HDAC9: variants seen among roughly 807,000 people sequenced by gnomAD.
HDAC9 encodes histone deacetylase 9.
HDAC9 carries 41 observed loss-of-function variants against 139.4 expected under a neutral mutation model. The observed-to-expected ratio is 0.29, with a 90% CI of 0.23 to 0.38. The LOEUF (loss-of-function observed/expected upper bound fraction) is 0.38. Ranked by LOEUF, HDAC9 falls within the 10% of genes least tolerant of loss-of-function variation. HDAC9 has a pLI of 1.00. For synonymous variants in HDAC9, 517 were observed against 476.2 expected (o/e 1.09, Z -1.12); for missense variants, 1,147 against 1,297.0 (o/e 0.88, Z 1.78).
rs1193161179 is a variant in HDAC9, at chr7:18,938,773, A to ATGC, written c.2937+2831_2937+2832insTGC. Among the ~76,000 whole-genome samples the ATGC allele has an allele frequency of 2.6e-5, 4 of 152,220 alleles. No homozygotes were observed. In the East Asian group the frequency reaches 7.7e-4, roughly 29 times the overall value. On this transcript the variant is annotated intron_variant, in intron 23 of 25. Coordinates refer to ENST00000686413, the MANE Select transcript of HDAC9 (RefSeq NM_178425.4). ...AACTGGTCAGAGTTTGAACATTAAT[A>ATGC]ATCTACTGCATATTGCAAAAGATAG...
At chr7:18,117,306 G>GA (rs1000955142) in intron 1 of HDAC9, among the ~76,000 whole-genome samples, 1 of 151,922 alleles carries the variant, frequency 6.6e-6, no homozygotes, top group African/African-American at 2.4e-5. Context: ...CTAACACGGT[G>GA]AAACCCCATC....
chr7:18,380,925 C>T (rs903258751), intron 1 of HDAC9, among the ~76,000 whole-genome samples: 9 of 152,008 alleles, frequency 5.9e-5, no homozygotes, highest in Admixed American at 2.6e-4. Flanking sequence ...TGCTGTGGCT[C>T]ATGCCTGTAA....
chr7:18,952,579 G>C (rs1404937752), intron 23 of HDAC9, among the ~76,000 whole-genome samples: 2 of 151,920 alleles, frequency 1.3e-5, no homozygotes, highest in Non-Finnish European at 2.9e-5. Flanking sequence ...TAAGCTCCAA[G>C]AAAGGAGTGA....
At chr7:18,624,631 C>G (rs376289058) in intron 6 of HDAC9, among the ~76,000 whole-genome samples, 32 of 152,054 alleles carry the variant, frequency 2.1e-4, no homozygotes, top group African/African-American at 7.0e-4. Context: ...GGATTTGCAT[C>G]CCATTAGTAA....
intron 1 of HDAC9, among the ~76,000 whole-genome samples, chr7:18,309,954 A>C (rs1278467164): frequency 1.3e-5 from 2 of 152,208 alleles, no homozygotes; most frequent in Non-Finnish European, 2.9e-5. Flanking sequence ...GTGGTAGGGC[A>C]GTGGTCCTCA....
intron 25 of HDAC9, among the ~76,000 whole-genome samples, chr7:18,985,416 T>A (rs1785265153): frequency 1.3e-5 from 2 of 152,252 alleles, no homozygotes; most frequent in African/African-American, 4.8e-5. Flanking sequence ...TTTTTATGGC[T>A]GCATGGTATT....
chr7:18,401,314 C>T (rs1342012603), intron 1 of HDAC9, among the ~76,000 whole-genome samples: 1 of 152,172 alleles, frequency 6.6e-6, no homozygotes, highest in African/African-American at 2.4e-5. Context: ...ATCTTTTGGG[C>T]TCACTTTTGC....
intron 2 of HDAC9, among the ~76,000 whole-genome samples, chr7:18,262,361 A>G (rs938507492): frequency 5.9e-5 from 9 of 152,340 alleles, no homozygotes; most frequent in African/African-American, 1.9e-4. Flanking sequence ...AGGAAAGGCT[A>G]TCAAGCAAAA....
intron 2 of HDAC9, among the ~76,000 whole-genome samples, chr7:18,224,869 T>C (rs906539726): frequency 6.6e-6 from 1 of 151,958 alleles, no homozygotes; most frequent in African/African-American, 2.4e-5. Context: ...ATGAAGAACA[T>C]TGAACCTTCC....
chr7:18,664,153 A>C (rs1233719252), intron 11 of HDAC9, among the ~76,000 whole-genome samples: 1 of 152,180 alleles, frequency 6.6e-6, no homozygotes, highest in Admixed American at 6.5e-5. Flanking sequence ...TATTAAAGAA[A>C]AGAAGAGCTG....
chr7:18,603,025 C>A (rs1834414141), intron 6 of HDAC9, among the ~76,000 whole-genome samples: 1 of 152,060 alleles, frequency 6.6e-6, no homozygotes. Flanking sequence ...TCTTGGAGAA[C>A]TGTGACTATT....
chr7:18,109,467 C>G (rs563749468), intron 1 of HDAC9, among the ~76,000 whole-genome samples: 3 of 152,168 alleles, frequency 2.0e-5, no homozygotes, highest in African/African-American at 7.2e-5. Context: ...GGGATGTAAA[C>G]CCCACAACAT....
chr7:18,293,554 A>T (rs1460142946), intron 1 of HDAC9, among the ~76,000 whole-genome samples: 2 of 152,144 alleles, frequency 1.3e-5, no homozygotes, highest in Non-Finnish European at 2.9e-5. Context: ...AGTACTGGCC[A>T]CTGCAAACCA....
At chr7:18,634,433 T>C (rs1783275663) in intron 7 of HDAC9, among the ~76,000 whole-genome samples, 194 bp from the exon 8 acceptor site, 1 of 151,982 alleles carries the variant, frequency 6.6e-6, no homozygotes, top group Non-Finnish European at 1.5e-5. Context: ...TGTTTTGCCA[T>C]GAAAACAAAG....
At chr7:18,720,299 G>T (rs1785044618) in intron 12 of HDAC9, among the ~76,000 whole-genome samples, 1 of 151,560 alleles carries the variant, frequency 6.6e-6, no homozygotes, top group African/African-American at 2.4e-5. Flanking sequence ...CTTAAAGTTT[G>T]CATTTTAATT....
At chr7:18,678,242 T>C (rs1781655726) in intron 12 of HDAC9, among the ~76,000 whole-genome samples, 1 of 151,866 alleles carries the variant, frequency 6.6e-6, no homozygotes, top group Admixed American at 6.6e-5. Context: ...TTTATCTGCT[T>C]GTTTGTAAGA....
chr7:18,266,497 G>T (rs1796013086), intron 2 of HDAC9, among the ~76,000 whole-genome samples: 1 of 152,100 alleles, frequency 6.6e-6, no homozygotes, highest in African/African-American at 2.4e-5. Flanking sequence ...GACAGACATT[G>T]TGCATCTGTA....
At chr7:18,432,709 A>G (rs955862298) in intron 1 of HDAC9, among the ~76,000 whole-genome samples, 4 of 152,078 alleles carry the variant, frequency 2.6e-5, no homozygotes, top group Admixed American at 2.6e-4. Context: ...TCACTTTGGG[A>G]GGCCGAGGTG....
At chr7:18,619,858 A>C (rs1839738158) in intron 6 of HDAC9, among the ~76,000 whole-genome samples, 1 of 152,166 alleles carries the variant, frequency 6.6e-6, no homozygotes, top group Non-Finnish European at 1.5e-5. Flanking sequence ...TCTGCATAGA[A>C]CTGCACTTCT....
Sources: allele counts gnomAD v4.1 joint callset (sites outside exome capture counted in the v4.1 genomes callset), GRCh38; gene constraint gnomAD v4.1.1; transcripts MANE v1.5; gene names NCBI Gene and HGNC (gene_info 2026-07-23, HGNC 2026-07-21).